Variants in CBL observed in about 807,000 individuals in gnomAD.
The protein encoded by CBL is Cbl proto-oncogene.
In CBL, 45 loss-of-function variants were observed where a neutral mutation model predicts 96.9. That is an observed-to-expected ratio of 0.46 (90% CI 0.37 to 0.60). The LOEUF (loss-of-function observed/expected upper bound fraction) is 0.60. CBL is among the 20% of genes least tolerant of loss of function. The pLI, the probability that CBL is intolerant of heterozygous loss-of-function variation, is 0.00. For synonymous variants in CBL, 420 were observed against 426.8 expected (o/e 0.98, Z 0.20); for missense variants, 1,024 against 1,143.5 (o/e 0.90, Z 1.51).
At chr11:119,251,924 A>G (rs1242628888) in intron 2 of CBL, among the ~76,000 whole-genome samples, 1 of 152,146 alleles carries the variant, frequency 6.6e-6, no homozygotes, top group African/African-American at 2.4e-5. Context: ...AAGCCCCAAA[A>G]CTGGCTACAA....
rs1281464618 is a variant in CBL, at chr11:119,285,225, C to G, written c.1600C>G (p.Pro534Ala). ...SGSLHKDKPL[P>A]VPPTLRDLPP... is the part of the protein sequence containing the mutation. ...CTCCCTTCATAAAGACAAACCATTG[C>G]CAGTACCTCCCACACTTCGAGATCT... The change falls in exon 11 of 16, where the codon CCA becomes GCA. Residue 534 changes from proline (P) to alanine (A), a missense_variant. By Grantham distance (27) the Pro-to-Ala change is conservative. Around this residue, in one of 4 missense-constraint regions of CBL, gnomAD observed 695 missense variants for 661.6 expected, o/e 1.05. Transcript: ENST00000264033. 4 of 1,614,050 alleles carry G rather than the reference C, an allele frequency of 2.5e-6. No homozygotes were observed. Among genetic ancestry groups the G allele is most frequent in the Non-Finnish European group, 3.4e-6 (4 of 1,180,040 alleles).
intron 2 of CBL, among the ~76,000 whole-genome samples, chr11:119,243,600 C>T (rs1250951153): frequency 6.7e-6 from 1 of 148,200 alleles, no homozygotes; most frequent in Non-Finnish European, 1.5e-5. Flanking sequence ...TAATAATATT[C>T]CATTTTTGTA....
At chr11:119,222,064 C>A (rs1309443250) in intron 1 of CBL, among the ~76,000 whole-genome samples, 1 of 152,080 alleles carries the variant, frequency 6.6e-6, no homozygotes, top group African/African-American at 2.4e-5. Context: ...ATGTATAGCT[C>A]CACATATTGA....
chr11:119,277,612 A>G (rs78712326), intron 6 of CBL, 145 bp from the exon 7 acceptor site: 3 of 574,376 alleles, frequency 5.2e-6, no homozygotes, highest in Non-Finnish European at 6.4e-6. Context: ...TTTTGGAAGT[A>G]TTTTTTTTTT....
chr11:119,255,031 GTGGCGTGCTTGGAT>G (rs1436719913), intron 2 of CBL, among the ~76,000 whole-genome samples: 2 of 152,178 alleles, frequency 1.3e-5, no homozygotes, highest in Non-Finnish European at 1.5e-5. Flanking sequence ...GTCCTGTGGA[GTGGCGTGCTTGGAT>G]TGGGGCATAG....
At chr11:119,246,277 A>G (rs1012281580) in intron 2 of CBL, among the ~76,000 whole-genome samples, 1 of 151,902 alleles carries the variant, frequency 6.6e-6, no homozygotes. Flanking sequence ...CCGGCCTTAC[A>G]AATCTTTTTA....
intron 1 of CBL, 29 bp downstream of exon 1, chr11:119,206,641 G>A: frequency 6.5e-7 from 1 of 1,541,538 alleles, no homozygotes. Context: ...GCCCGCTGTT[G>A]CAGGGTGGGC....
At chr11:119,269,598 G>A (rs1222303794) in intron 2 of CBL, among the ~76,000 whole-genome samples, 2 of 152,130 alleles carry the variant, frequency 1.3e-5, no homozygotes, top group Non-Finnish European at 2.9e-5. Context: ...GACAAAGATA[G>A]CACTGATGGT....
At chr11:119,267,395 G>A (rs1298906191) in intron 2 of CBL, among the ~76,000 whole-genome samples, 1 of 152,022 alleles carries the variant, frequency 6.6e-6, no homozygotes, top group Non-Finnish European at 1.5e-5. Context: ...TGTTATTTTG[G>A]TATGCATATT....
intron 2 of CBL, among the ~76,000 whole-genome samples, chr11:119,271,256 T>C (rs1193712298): frequency 6.6e-6 from 1 of 152,262 alleles, no homozygotes; most frequent in Non-Finnish European, 1.5e-5. Context: ...CTTACACTTA[T>C]TTGTTGAATT....
chr11:119,280,313 T>C (rs1412147191), intron 9 of CBL, among the ~76,000 whole-genome samples: 1 of 152,216 alleles, frequency 6.6e-6, no homozygotes, highest in Non-Finnish European at 1.5e-5. Context: ...GATAATGGTA[T>C]TTTGTTTTTT....
rs139139107 is a variant in CBL at position 119,232,553 on chromosome 11, A to G, written c.301A>G (p.Arg101Gly). The change falls in exon 2 of 16, where the codon AGA becomes GGA. Residue 101 changes from arginine to glycine, a missense_variant. Arg to Gly is a moderately radical substitution (Grantham distance 125). Around this residue, in one of 4 missense-constraint regions of CBL, gnomAD observed 192 missense variants for 321.8 expected, o/e 0.60. Coordinates refer to ENST00000264033, the MANE Select transcript of CBL (RefSeq NM_005188.4). ...TYQHLRTILS[R>G]YEGKMETLGE... ...CCAGCATCTCCGTACTATCTTGTCAAGATATGAGGGGAAGATGGAGACACT... is the reference window on the plus strand; with the variant it reads ...CCAGCATCTCCGTACTATCTTGTCAGGATATGAGGGGAAGATGGAGACACT... 6.2e-7 allele frequency: 1 copy of G among 1,614,106 alleles called. No homozygotes were observed. Among genetic ancestry groups the G allele is most frequent in the Non-Finnish European group, 8.5e-7 (1 of 1,179,980 alleles).
Position 119,307,707 on chromosome 11 carries a change from T to C in CBL, c.*7926T>C, listed in dbSNP as rs916602407. ...TTGGGAGACAGAAATTTTAAAGTCC[T>C]CCTTATTCAAGATTTTGAAATTCTT... On this transcript the variant is annotated 3_prime_UTR_variant, in exon 16 of 16. Coordinates refer to ENST00000264033, the MANE Select transcript of CBL (RefSeq NM_005188.4). The C allele has an allele frequency of 2.2e-5, 5 of 224,754 alleles. No homozygotes were observed. The highest frequency in any genetic ancestry group is 8.9e-5 in the African/African-American group (4 of 44,852). 13.9% of individuals were successfully genotyped at this position (224,754 alleles called of 1,614,324 possible).
intron 1 of CBL, 37 bp downstream of exon 1, chr11:119,206,649 G>T: frequency 6.5e-7 from 1 of 1,537,234 alleles, no homozygotes; most frequent in Non-Finnish European, 8.8e-7. Flanking sequence ...TTGCAGGGTG[G>T]GCGTGGGCGG....
At chr11:119,277,274 A>ACACACAC in intron 6 of CBL, among the ~76,000 whole-genome samples, 2 of 101,268 alleles carry the variant, frequency 2.0e-5, no homozygotes, top group African/African-American at 9.4e-5. Flanking sequence ...CACACACATA[A>ACACACAC]AGAATTTCTA....
chr11:119,261,900 A>G (rs1296610954), intron 2 of CBL, among the ~76,000 whole-genome samples: 1 of 152,178 alleles, frequency 6.6e-6, no homozygotes. Flanking sequence ...ACTAATGTAA[A>G]ATATTTGTGC....
At chr11:119,290,468 G>A (rs573756825) in intron 12 of CBL, among the ~76,000 whole-genome samples, 3 of 150,830 alleles carry the variant, frequency 2.0e-5, no homozygotes, top group African/African-American at 7.3e-5. Flanking sequence ...TGGCTAATGC[G>A]GTGAAACCCC....
intron 1 of CBL, among the ~76,000 whole-genome samples, chr11:119,209,357 C>T (rs180738779): frequency 3.3e-4 from 50 of 152,324 alleles, no homozygotes; most frequent in Middle Eastern, 3.4e-3. Context: ...GTGGCTCACG[C>T]TTGTAATCCC....
At chr11:119,288,854 T>G (rs1950004629) in intron 12 of CBL, among the ~76,000 whole-genome samples, 1 of 152,198 alleles carries the variant, frequency 6.6e-6, no homozygotes, top group Non-Finnish European at 1.5e-5. Context: ...ACACTGAGAA[T>G]AAGGGCTTCA....
Sources: gnomAD v4.1 joint callset for allele counts (sites outside exome capture counted in the v4.1 genomes callset) on GRCh38, gnomAD v4.1.1 for gene constraint, gnomAD v4.1.1 regional missense constraint, MANE v1.5 for transcripts, NCBI Gene and HGNC (gene_info 2026-07-23, HGNC 2026-07-21) for gene names.